STARD9: variants seen among roughly 807,000 people sequenced by gnomAD.
The protein encoded by STARD9 is StAR related lipid transfer domain containing 9.
STARD9 carries 346 observed loss-of-function variants against 399.8 expected under a neutral mutation model. The observed-to-expected ratio is 0.87, with a 90% CI of 0.79 to 0.95. The LOEUF (loss-of-function observed/expected upper bound fraction) is 0.95. Ranked by LOEUF, STARD9 falls within the 40% of genes least tolerant of loss-of-function variation. The pLI is 0.00. For missense variants in STARD9, 5,832 were observed against 5,667.5 expected (o/e 1.03, Z -0.93); for synonymous variants, 2,203 against 2,143.5 (o/e 1.03, Z -0.77).
intron 16 of STARD9, among the ~76,000 whole-genome samples, 188 bp from the exon 17 acceptor site, chr15:42,674,252 G>C (rs561204311): frequency 1.9e-4 from 29 of 152,306 alleles, no homozygotes; most frequent in African/African-American, 6.7e-4. Context: ...GGGCTGTAGA[G>C]TGAGTGGGCA....
chr15:42,648,644 G>C (rs1282858244), intron 7 of STARD9, among the ~76,000 whole-genome samples: 1 of 151,930 alleles, frequency 6.6e-6, no homozygotes, highest in Non-Finnish European at 1.5e-5. Context: ...GTTTATTATG[G>C]TCTACTTATG....
intron 3 of STARD9, among the ~76,000 whole-genome samples, chr15:42,614,297 G>A (rs1292035913): frequency 1.3e-5 from 2 of 149,690 alleles, no homozygotes; most frequent in African/African-American, 2.5e-5. Flanking sequence ...GTGACAGAGC[G>A]AGACTGTCAA....
Position 42,690,101 on chromosome 15 carries a change from T to C in STARD9, c.8523T>C (p.Ser2841=). 1 of 1,537,776 alleles carries C rather than the reference T, an allele frequency of 6.5e-7. No individual in the cohort carries two copies. The highest frequency in any genetic ancestry group is 1.7e-4 in the Middle Eastern group (1 of 5,996). The change falls in exon 23 of 33, where the codon TCT becomes TCC. Residue 2841 remains serine (S), a synonymous_variant. Coordinates refer to ENST00000290607, the MANE Select transcript of STARD9 (RefSeq NM_020759.3). ...ACCATGTCCAATGCCCTGAGGCTTCTACTGGCTTTGAAGAAGGTAGGGCAA... is the reference window on the plus strand; with the variant it reads ...ACCATGTCCAATGCCCTGAGGCTTCCACTGGCTTTGAAGAAGGTAGGGCAA... The part of the protein sequence containing the change: ...KQDHVQCPEA[S]TGFEEGRASP...
At chr15:42,657,085 G>T (rs1164146354) in intron 9 of STARD9, among the ~76,000 whole-genome samples, 2 of 152,062 alleles carry the variant, frequency 1.3e-5, no homozygotes, top group East Asian at 3.9e-4. Context: ...GGCTGGGCGT[G>T]GTGGCTCAAG....
At chr15:42,621,963 A>G (rs1328352818) in intron 3 of STARD9, among the ~76,000 whole-genome samples, 1 of 152,302 alleles carries the variant, frequency 6.6e-6, no homozygotes, top group East Asian at 1.9e-4. Context: ...ATACACATAC[A>G]TTTATCTATT....
At chr15:42,715,932 G>A (rs574524058) in intron 26 of STARD9, among the ~76,000 whole-genome samples, 4 of 152,338 alleles carry the variant, frequency 2.6e-5, no homozygotes, top group South Asian at 2.1e-4. Flanking sequence ...ACAGGGCAGC[G>A]TGAGAGCTAA....
intron 20 of STARD9, 91 bp downstream of exon 20, chr15:42,676,066 T>G: frequency 1.5e-6 from 1 of 672,646 alleles, no homozygotes; most frequent in Non-Finnish European, 2.5e-6. Context: ...TGGGGGGTGA[T>G]TAATGTAGCA....
At chr15:42,658,622 A>G (rs1008607386) in intron 9 of STARD9, among the ~76,000 whole-genome samples, 4 of 151,856 alleles carry the variant, frequency 2.6e-5, no homozygotes, top group Non-Finnish European at 5.9e-5. Context: ...AGCTGGGATT[A>G]CAGGCACGCA....
rs372101409 is a variant in STARD9, at chr15:42,649,582, G to A, written c.560-1434G>A. ...AGTTACTTTTTTTTTTTTTTGAAACGAAGTTTTGCTCTTATCGCCCAGGCT... is the reference window on the plus strand; with the variant it reads ...AGTTACTTTTTTTTTTTTTTGAAACAAAGTTTTGCTCTTATCGCCCAGGCT... On this transcript the variant is annotated intron_variant, in intron 7 of 32. Coordinates refer to ENST00000290607, the MANE Select transcript of STARD9 (RefSeq NM_020759.3). Among the ~76,000 whole-genome samples the A allele has an allele frequency of 1.5e-4, 22 of 144,946 alleles. 1 individual carries two copies. The East Asian group carries it at 4.0e-3, about 27-fold the overall frequency.
At chr15:42,660,620 T>G (rs1033171302) in intron 9 of STARD9, among the ~76,000 whole-genome samples, 2 of 151,490 alleles carry the variant, frequency 1.3e-5, no homozygotes, top group Non-Finnish European at 2.9e-5. Context: ...ATTAACAATT[T>G]CTAAAACAAA....
intron 26 of STARD9, among the ~76,000 whole-genome samples, chr15:42,698,097 C>T (rs1166601786): frequency 6.6e-6 from 1 of 152,146 alleles, no homozygotes; most frequent in Non-Finnish European, 1.5e-5. Flanking sequence ...TCATTTTGTT[C>T]ATTGCTGCAT....
intron 10 of STARD9, among the ~76,000 whole-genome samples, chr15:42,661,741 G>A (rs764645269): frequency 2.0e-5 from 3 of 152,020 alleles, no homozygotes; most frequent in Non-Finnish European, 4.4e-5. Context: ...ACAAGCGTGA[G>A]CCACTGCACC....
rs1388374253 is a variant in STARD9 at position 42,690,253 on chromosome 15, G to A, written c.8675G>A (p.Ser2892Asn). ...SGLTEVCRAG[S>N]KHSRPIPLPD... ...TTGACAGAAGTCTGCAGGGCTGGCA[G>A]CAAACATTCCAGGCCAATTCCACTG... Residue 2892 changes from serine to asparagine, a missense_variant, in exon 23 of 33, where the codon AGC (serine) becomes AAC (asparagine). Physicochemically the swap from Ser to Asn is conservative, Grantham distance 46. This residue lies in a region of STARD9 where 5,828 missense variants were observed against 5,651.1 expected (regional missense o/e 1.03). Coordinates refer to ENST00000290607, the MANE Select transcript of STARD9 (RefSeq NM_020759.3). 5 of 1,537,370 alleles carry A rather than the reference G, an allele frequency of 3.3e-6. No homozygotes were observed. Among genetic ancestry groups the A allele is most frequent in the Non-Finnish European group, 2.6e-6 (3 of 1,146,972 alleles).
At chr15:42,580,498 G>A (rs181566599) in intron 1 of STARD9, among the ~76,000 whole-genome samples, 1 of 152,162 alleles carries the variant, frequency 6.6e-6, no homozygotes, top group African/African-American at 2.4e-5. Flanking sequence ...ACAAAAATGA[G>A]GGGTATGAGG....
chr15:42,674,722 G>A lies in STARD9; in HGVS notation c.1550-105G>A, dbSNP rs1449955311. On this transcript the variant is annotated intron_variant, in intron 17 of 32. Transcript: ENST00000290607. ...AGGTCAGCTCTTCCTCTTTTATTAT[G>A]GTATGAGGTCTTCCAGATTTTGGAT... 17 of 1,414,082 alleles carry A rather than the reference G, an allele frequency of 1.2e-5. No individual in the cohort carries two copies. The East Asian group carries it at 4.0e-4, about 33-fold the overall frequency. The allele number at this position is 1,414,082 out of a possible 1,614,324, so 87.6% of individuals were successfully genotyped here. A position where few individuals can be genotyped will look rare whatever the true frequency, so the allele number is the denominator to read the frequency against.
chr15:42,649,862 CTTTTTTTTTTTT>C (rs765573235), intron 7 of STARD9, among the ~76,000 whole-genome samples: 1 of 107,228 alleles, frequency 9.3e-6, no homozygotes, highest in South Asian at 3.0e-4. Context: ...CGAGCCTGGC[CTTTTTTTTTTTT>C]TTTTTTTTTG....
intron 25 of STARD9, 62 bp from the exon 26 acceptor site, chr15:42,695,681 G>C (rs1288184606): frequency 3.3e-6 from 5 of 1,501,138 alleles, no homozygotes; most frequent in Non-Finnish European, 3.6e-6. Flanking sequence ...GTAGGAAAAG[G>C]CGTGGCCTGG....
intron 1 of STARD9, chr15:42,581,535 C>A (rs965432714): frequency 7.6e-7 from 1 of 1,310,110 alleles, no homozygotes; most frequent in Non-Finnish European, 1.1e-6. Flanking sequence ...TAGGCGGCGG[C>A]GCCGGGCCGG....
chr15:42,659,757 C>T (rs2059957207), intron 9 of STARD9, among the ~76,000 whole-genome samples: 1 of 152,106 alleles, frequency 6.6e-6, no homozygotes, highest in South Asian at 2.1e-4. Context: ...ATTTCCTGAC[C>T]TCATGATCCA....
Sources: allele counts gnomAD v4.1 joint callset (sites outside exome capture counted in the v4.1 genomes callset), GRCh38; gene constraint gnomAD v4.1.1; regional missense constraint gnomAD v4.1.1; transcripts MANE v1.5; gene names NCBI Gene and HGNC (gene_info 2026-07-23, HGNC 2026-07-21).